Variants in DOCK4 observed in about 807,000 individuals in gnomAD.
DOCK4 encodes the protein dedicator of cytokinesis protein 4.
A neutral mutation model predicts 268.1 loss-of-function variants in DOCK4; 97 were observed. The ratio of observed to expected loss-of-function variants is 0.36; its 90% CI spans 0.31 to 0.43. The LOEUF (loss-of-function observed/expected upper bound fraction) is 0.43. Among genes scored for constraint, DOCK4 ranks in the 20% least tolerant of loss-of-function variants. The probability of loss-of-function intolerance (pLI) is 1.00; values close to 1 mark genes in which losing one functional copy is unlikely to be tolerated. For synonymous variants in DOCK4, 954 were observed against 887.2 expected (o/e 1.08, Z -1.34); for missense variants, 2,145 against 2,455.7 (o/e 0.87, Z 2.67).
intron 1 of DOCK4, among the ~76,000 whole-genome samples, chr7:112,116,447 C>T (rs75075315): frequency 0.015 from 2,347 of 152,272 alleles, 68 homozygotes; most frequent in African/African-American, 0.054. Flanking sequence ...CTAAAAAATG[C>T]TCACCTTACG....
At position 112,062,711 on chromosome 7, in the gene DOCK4, G is replaced by T. The variant is rs142001549; in HGVS notation, c.38-58580C>A. Among the ~76,000 whole-genome samples the T allele has an allele frequency of 7.5e-3, 1,147 of 152,160 alleles. 21 individuals carry two copies. The highest frequency in any genetic ancestry group is 0.026 in the African/African-American group (1,073 of 41,520). On this transcript the variant is annotated intron_variant, in intron 1 of 52. Transcript: ENST00000428084. ...TTTGTTGTTGTTTAGACAGAGTCTC[G>T]CTCTGTCACCCAGGCTGGAGTGCAA...
At position 111,739,676 on chromosome 7, in the gene DOCK4, A is replaced by AAGG. The variant is rs1795764127; in HGVS notation, c.5041-202_5041-200dup. Reference sequence around the variant, plus strand: ...AAGTCTGAGATTTTGACTCCTGCCAAAGGAATGCCTTCGTGTTAGATTCAG... The same window carrying AAGG: ...AAGTCTGAGATTTTGACTCCTGCCAAAGGAGGAATGCCTTCGTGTTAGATTCAG... On this transcript the variant is annotated intron_variant, in intron 47 of 52. Transcript: ENST00000428084. 8.6e-6 allele frequency: 5 copies of AAGG among 579,616 alleles called. No individual in the cohort carries two copies. In the South Asian group the frequency reaches 1.0e-4, roughly 12 times the overall value. The allele number at this position is 579,616 out of a possible 1,614,324, so 35.9% of individuals were successfully genotyped here.
At chr7:111,828,775 G>A (rs1353688193) in intron 26 of DOCK4, among the ~76,000 whole-genome samples, 1 of 151,702 alleles carries the variant, frequency 6.6e-6, no homozygotes, top group Non-Finnish European at 1.5e-5. Flanking sequence ...CATATAATGA[G>A]ATTCAGAAGA....
chr7:111,960,068 A>C (rs1304833005), intron 8 of DOCK4, among the ~76,000 whole-genome samples: 1 of 152,010 alleles, frequency 6.6e-6, no homozygotes, highest in East Asian at 1.9e-4. Context: ...ATTTATTTAG[A>C]ATTGATAAAT....
chr7:112,185,054 TAAAAG>T (rs1819383581), intron 1 of DOCK4, among the ~76,000 whole-genome samples: 2 of 152,130 alleles, frequency 1.3e-5, no homozygotes, highest in South Asian at 2.1e-4. Context: ...TTCCCACACT[TAAAAG>T]AAAGAAACTG....
At chr7:112,089,304 C>T (rs1219241684) in intron 1 of DOCK4, among the ~76,000 whole-genome samples, 3 of 152,056 alleles carry the variant, frequency 2.0e-5, no homozygotes, top group African/African-American at 4.8e-5. Context: ...AACACCTTTG[C>T]TATATATAAT....
chr7:111,938,298 T>C (rs992159650), intron 11 of DOCK4, among the ~76,000 whole-genome samples: 1 of 152,184 alleles, frequency 6.6e-6, no homozygotes, highest in East Asian at 1.9e-4. Context: ...GAAAAATCCA[T>C]GAAACCCTGC....
At chr7:112,092,881 T>A (rs1230269510) in intron 1 of DOCK4, among the ~76,000 whole-genome samples, 1 of 151,994 alleles carries the variant, frequency 6.6e-6, no homozygotes, top group African/African-American at 2.4e-5. Context: ...CACCTCAGGA[T>A]GTCAGAAAGG....
chr7:112,167,387 T>C (rs1250019599), intron 1 of DOCK4, among the ~76,000 whole-genome samples: 1 of 151,980 alleles, frequency 6.6e-6, no homozygotes, highest in African/African-American at 2.4e-5. Context: ...AGGTCACCAG[T>C]GACTCCCCAA....
chr7:111,995,433 GTGTGTGTGTGTGTGTGTGTGTGTGTA>G (rs1209488078), intron 4 of DOCK4, among the ~76,000 whole-genome samples: 9 of 90,488 alleles, frequency 9.9e-5, no homozygotes, highest in East Asian at 5.6e-4. Context: ...GTGTGTGTGT[GTGTGTGTGTGTGTGTGTGTGTGTGTA>G]TGTGCAGGTG....
chr7:112,070,911 G>C (rs1807528016), intron 1 of DOCK4, among the ~76,000 whole-genome samples: 2 of 152,142 alleles, frequency 1.3e-5, no homozygotes, highest in Non-Finnish European at 2.9e-5. Flanking sequence ...TGGGTTGAAG[G>C]GGCACGAGGT....
rs1800478142 is a variant in DOCK4, at chr7:111,803,917, GA to G, written c.3166+4903del. ...TGAGATACCACCTCACACCCATTAG[GA>G]TGACTACTGTCAAAAAACCAGGAAA... is the stretch of plus-strand genomic sequence containing the variant. On this transcript the variant is annotated intron_variant, in intron 30 of 52. Coordinates refer to ENST00000428084, the MANE Select transcript of DOCK4 (RefSeq NM_001363540.2). 4.6e-5 allele frequency among the ~76,000 whole-genome samples: 7 copies of G among 152,252 alleles called. No individual in the cohort carries two copies. In the South Asian group the frequency reaches 1.2e-3, roughly 27 times the overall value.
At chr7:111,936,166 C>A (rs115202512) in intron 11 of DOCK4, among the ~76,000 whole-genome samples, 118 of 152,244 alleles carry the variant, frequency 7.8e-4, no homozygotes, top group African/African-American at 2.8e-3. Context: ...TGTCCAGAAT[C>A]AAAATGCAGC....
intron 26 of DOCK4, among the ~76,000 whole-genome samples, chr7:111,824,557 G>A (rs1380329051): frequency 1.3e-5 from 2 of 152,104 alleles, no homozygotes; most frequent in Admixed American, 1.3e-4. Context: ...CTTAGTGGTA[G>A]TGGTGGTGTG....
At chr7:112,141,222 C>T (rs746046033) in intron 1 of DOCK4, among the ~76,000 whole-genome samples, 2 of 152,084 alleles carry the variant, frequency 1.3e-5, no homozygotes, top group Non-Finnish European at 2.9e-5. Context: ...TCCTCAATCC[C>T]GAATCCCACA....
chr7:111,994,248 G>C lies in DOCK4; in HGVS notation c.219-17C>G. ...TCAAATTGTCTGTGAAATTAAAAAA[G>C]AAAAAGTATATATGTAAATACCATA... On this transcript the variant is annotated splice_polypyrimidine_tract_variant and intron_variant, in intron 4 of 52. Transcript: ENST00000428084. The C allele has an allele frequency of 4.0e-6, 6 of 1,511,744 alleles. No individual in the cohort carries two copies. Among genetic ancestry groups the C allele is most frequent in the Non-Finnish European group, 5.4e-6 (6 of 1,105,228 alleles). The allele number at this position is 1,511,744 out of a possible 1,614,324, so 93.6% of individuals were successfully genotyped here. A position where few individuals can be genotyped will look rare whatever the true frequency, so the allele number is the denominator to read the frequency against.
intron 1 of DOCK4, among the ~76,000 whole-genome samples, chr7:112,134,991 A>ATGTGTG (rs576509921): frequency 4.6e-5 from 7 of 151,708 alleles, no homozygotes; most frequent in African/African-American, 1.7e-4. Flanking sequence ...TAAAACATAT[A>ATGTGTG]TGTGTGTGTG....
intron 23 of DOCK4, among the ~76,000 whole-genome samples, chr7:111,850,019 T>C (rs895437304): frequency 1.3e-5 from 2 of 152,200 alleles, no homozygotes; most frequent in Non-Finnish European, 2.9e-5. Flanking sequence ...CTTGTAAAAA[T>C]TGCTGCTATT....
intron 1 of DOCK4, among the ~76,000 whole-genome samples, chr7:112,171,989 T>C (rs1200184375): frequency 6.6e-6 from 1 of 152,198 alleles, no homozygotes; most frequent in Non-Finnish European, 1.5e-5. Context: ...TCCTTGTGTG[T>C]CCAATTTCCT....
Sources: allele counts gnomAD v4.1 joint callset (sites outside exome capture counted in the v4.1 genomes callset), GRCh38; gene constraint gnomAD v4.1.1; transcripts MANE v1.5; gene names NCBI Gene and HGNC (gene_info 2026-07-23, HGNC 2026-07-21).